TCF20: variants seen among roughly 807,000 people sequenced by gnomAD.
The protein encoded by TCF20 is SPRE-binding protein.
In TCF20, 3 loss-of-function variants were observed where a neutral mutation model predicts 148.6. That is an observed-to-expected ratio of 0.02 (90% CI 0.01 to 0.05). The LOEUF is 0.05. TCF20 is among the 10% of genes least tolerant of loss of function. The probability of loss-of-function intolerance (pLI) is 1.00; values close to 1 mark genes in which losing one functional copy is unlikely to be tolerated. For synonymous variants in TCF20, 1,049 were observed against 909.5 expected, an observed-to-expected ratio of 1.15 and a Z score of -2.76; for missense variants, 2,350 against 2,429.3, an observed-to-expected ratio of 0.97 and a Z score of 0.69.
chr22:42,179,605 T>C lies in TCF20; in HGVS notation c.5749+4A>G. The stretch of plus-strand genomic sequence containing the variant: ...CTGGACAAGGGTCTGTGGTCTCCTC[T>C]TACCTGCATCAATGGCACACGGGTA... On this transcript the variant is annotated splice_donor_region_variant and intron_variant, in intron 3 of 5. Coordinates refer to ENST00000677622, the MANE Select transcript of TCF20 (RefSeq NM_001378418.1). 7.4e-6 allele frequency: 12 copies of C among 1,612,258 alleles called. No homozygotes were observed. The highest frequency in any genetic ancestry group is 9.3e-6 in the Non-Finnish European group (11 of 1,178,300).
chr22:42,167,678 A>C (rs1213093882), intron 5 of TCF20, among the ~76,000 whole-genome samples: 2 of 152,134 alleles, frequency 1.3e-5, no homozygotes, highest in Non-Finnish European at 2.9e-5. Context: ...CCGTGACCAC[A>C]ATAATCCCAC....
chr22:42,224,534 CAAAAAAAAA>C (rs66858906), intron 1 of TCF20, among the ~76,000 whole-genome samples: 9 of 39,524 alleles, frequency 2.3e-4, no homozygotes, highest in East Asian at 1.7e-3. Context: ...AAAGCTGGTA[CAAAAAAAAA>C]AAAAAAAAAA....
chr22:42,265,045 A>G (rs1926209918), intron 1 of TCF20, among the ~76,000 whole-genome samples: 1 of 152,250 alleles, frequency 6.6e-6, no homozygotes, highest in South Asian at 2.1e-4. Context: ...GAAACACCAG[A>G]TAATAAGCCA....
At chr22:42,325,123 G>A (rs536705746) in intron 1 of TCF20, among the ~76,000 whole-genome samples, 3 of 152,346 alleles carry the variant, frequency 2.0e-5, no homozygotes, top group Non-Finnish European at 2.9e-5. Flanking sequence ...ATGCCTCTCC[G>A]TGCTCAGGCT....
intron 1 of TCF20, 168 bp from the exon 2 acceptor site, chr22:42,215,509 C>CA: frequency 1.1e-6 from 1 of 877,232 alleles, no homozygotes; most frequent in East Asian, 2.8e-5. Flanking sequence ...CTCACTCTGT[C>CA]ACCCAGGCTG....
upstream of TCF20, among the ~76,000 whole-genome samples, chr22:42,287,497 A>G (rs965839033): frequency 3.3e-5 from 5 of 152,156 alleles, no homozygotes; most frequent in African/African-American, 1.2e-4. Context: ...TCATCATAGC[A>G]CAGATCCATC....
At chr22:42,182,194 A>G (rs1237343005) in intron 2 of TCF20, among the ~76,000 whole-genome samples, 1 of 152,216 alleles carries the variant, frequency 6.6e-6, no homozygotes, top group Non-Finnish European at 1.5e-5. Context: ...TGGAACCTAA[A>G]TAACTGCCTG....
intron 5 of TCF20, among the ~76,000 whole-genome samples, chr22:42,166,625 AAG>A (rs1935805392): frequency 6.6e-6 from 1 of 151,830 alleles, no homozygotes. Flanking sequence ...AAAAAAAAAA[AAG>A]AGTCAAGGGC....
Position 42,212,289 on chromosome 22 carries a change from G to A in TCF20, c.3017C>T (p.Pro1006Leu), listed in dbSNP as rs1483366690. 3.1e-6 allele frequency: 5 copies of A among 1,614,198 alleles called. No homozygotes were observed. Among genetic ancestry groups the A allele is most frequent in the Non-Finnish European group, 4.2e-6 (5 of 1,180,028 alleles). Residue 1006 changes from proline (P) to leucine (L), a missense_variant, in exon 2 of 6, where the codon CCT becomes CTT. Pro to Leu is a moderately conservative substitution (Grantham distance 98). Coordinates refer to ENST00000677622, the MANE Select transcript of TCF20 (RefSeq NM_001378418.1). ...GGREGMRGRS[P>L]SQYHDFAEKL... ...TTCTGCAAAGTCATGATATTGAGAA[G>A]GGGACCGACCCCTCATGCCCTCCCG...
chr22:42,160,369 GAC>G lies in TCF20; in HGVS notation c.*1032_*1033del, dbSNP rs769423326. On this transcript the variant is annotated 3_prime_UTR_variant, in exon 6 of 6. Coordinates refer to ENST00000677622, the MANE Select transcript of TCF20 (RefSeq NM_001378418.1). ...CAGCTTAACCCACTCTGATCACAGC[GAC>G]AGTCCCTCCCCGTCCCTGCCTACAG... is the stretch of plus-strand genomic sequence containing the variant. 6.6e-6 allele frequency: 1 copy of G among 152,598 alleles called. No individual in the cohort carries two copies. Among genetic ancestry groups the G allele is most frequent in the Non-Finnish European group, 1.5e-5 (1 of 68,034 alleles). The allele number at this position is 152,598 out of a possible 1,614,324, so 9.5% of individuals were successfully genotyped here. A position where few individuals can be genotyped will look rare whatever the true frequency, so the allele number is the denominator to read the frequency against.
intron 1 of TCF20, among the ~76,000 whole-genome samples, chr22:42,300,143 G>GAA (rs1927310421): frequency 6.6e-6 from 1 of 152,108 alleles, no homozygotes; most frequent in Admixed American, 6.5e-5. Flanking sequence ...GAATATCAGG[G>GAA]GGTTAGGGGA....
chr22:42,327,823 AC>A (rs1460540670), intron 1 of TCF20, among the ~76,000 whole-genome samples: 2 of 149,416 alleles, frequency 1.3e-5, no homozygotes, highest in Non-Finnish European at 3.0e-5. Context: ...CAGGCACCAC[AC>A]CCCTGCCCTC....
intron 1 of TCF20, among the ~76,000 whole-genome samples, chr22:42,238,817 A>T (rs1021371760): frequency 6.6e-6 from 1 of 152,212 alleles, no homozygotes; most frequent in African/African-American, 2.4e-5. Flanking sequence ...GCTCCAAAAC[A>T]ATTACAAAAG....
chr22:42,294,139 A>C (rs1362524412), intron 1 of TCF20, among the ~76,000 whole-genome samples: 1 of 152,156 alleles, frequency 6.6e-6, no homozygotes, highest in African/African-American at 2.4e-5. Flanking sequence ...CCAGCCTCAC[A>C]GTGGGGAATC....
chr22:42,170,541 T>C (rs1233158642), intron 3 of TCF20, among the ~76,000 whole-genome samples: 1 of 136,484 alleles, frequency 7.3e-6, no homozygotes, highest in African/African-American at 2.8e-5. Flanking sequence ...GGCAGGAGAA[T>C]CACTTGAACC....
intron 1 of TCF20, among the ~76,000 whole-genome samples, chr22:42,266,576 G>C (rs886614642): frequency 6.6e-6 from 1 of 151,844 alleles, no homozygotes; most frequent in Non-Finnish European, 1.5e-5. Flanking sequence ...TCAGGAGTTC[G>C]AGACTGGCCT....
At chr22:42,252,019 CGTGGCAAAACCCTGCCAAG>C (rs1157731535) in intron 1 of TCF20, among the ~76,000 whole-genome samples, 1 of 151,260 alleles carries the variant, frequency 6.6e-6, no homozygotes, top group Non-Finnish European at 1.5e-5. Flanking sequence ...GCCTGGCCAA[CGTGGCAAAACCCTGCCAAG>C]GTGGGCAGAT....
intron 1 of TCF20, among the ~76,000 whole-genome samples, chr22:42,282,155 A>T (rs990772646): frequency 1.3e-5 from 2 of 152,228 alleles, no homozygotes; most frequent in African/African-American, 4.8e-5. Context: ...AAGGAGAGCC[A>T]CAGCCTTCCC....
intron 2 of TCF20, among the ~76,000 whole-genome samples, chr22:42,202,167 AACT>A (rs1245293817): frequency 6.6e-6 from 1 of 152,218 alleles, no homozygotes; most frequent in African/African-American, 2.4e-5. Flanking sequence ...ACTATGATGG[AACT>A]ACAACATAAG....
Sources: allele counts gnomAD v4.1 joint callset (sites outside exome capture counted in the v4.1 genomes callset), GRCh38; gene constraint gnomAD v4.1.1; transcripts MANE v1.5; gene names NCBI Gene and HGNC (gene_info 2026-07-23, HGNC 2026-07-21).